The following RBBP6 variants were observed in gnomAD, a reference collection of about 807,000 sequenced individuals.
The protein encoded by RBBP6 is E3 ubiquitin-protein ligase RBBP6.
Under a neutral mutation model 167.7 loss-of-function variants are expected in RBBP6, and 25 were observed. The observed-to-expected ratio is 0.15, with a 90% confidence interval of 0.11 to 0.21. The LOEUF is 0.21. RBBP6 is among the 10% of genes least tolerant of loss of function. The pLI, the probability that RBBP6 is intolerant of heterozygous loss-of-function variation, is 1.00. For synonymous variants in RBBP6, 789 were observed against 735.8 expected, an observed-to-expected ratio of 1.07 and a Z score of -1.17; for missense variants, 1,868 against 2,134.2, an observed-to-expected ratio of 0.88 and a Z score of 2.46.
At chr16:24,562,257 C>A in intron 10 of RBBP6, 96 bp downstream of exon 10, 1 of 1,127,490 alleles carries the variant, frequency 8.9e-7, no homozygotes, top group Non-Finnish European at 1.3e-6. Flanking sequence ...TCTTAGTGGA[C>A]CACTGTGCTC....
At chr16:24,560,207 T>C (rs1306592272) in intron 8 of RBBP6, among the ~76,000 whole-genome samples, 1 of 151,290 alleles carries the variant, frequency 6.6e-6, no homozygotes, top group East Asian at 1.9e-4. Flanking sequence ...CCTTCTGGCT[T>C]CACACAATTC....
chr16:24,561,625 A>C lies in RBBP6; in HGVS notation c.861A>C (p.Ala287=), dbSNP rs16973831. 9.1e-3 allele frequency: 14,680 copies of C among 1,613,436 alleles called. 1,092 individuals carry two copies. The African/African-American group carries it at 0.16, about 18-fold the overall frequency. The stretch of plus-strand genomic sequence containing the variant: ...TCTTATACATAGGTATAAGAACAGC[A>C]CTCCTGGAATCAGATGAGCACACAT... ...NSYCDECIRT[A]LLESDEHTCP... is the part of the protein sequence containing the mutation. The change falls in exon 9 of 18, where the codon GCA becomes GCC. Residue 287 remains alanine, a synonymous_variant. Transcript: ENST00000319715.
chr16:24,555,755 C>T, intron 5 of RBBP6, 52 bp downstream of exon 5: 1 of 1,585,026 alleles, frequency 6.3e-7, no homozygotes, highest in African/African-American at 1.3e-5. Flanking sequence ...TGGGTTTTCC[C>T]CCCCAATCAA....
At chr16:24,546,728 C>G (rs1002778211) in intron 2 of RBBP6, among the ~76,000 whole-genome samples, 2 of 152,168 alleles carry the variant, frequency 1.3e-5, no homozygotes, top group Non-Finnish European at 2.9e-5. Flanking sequence ...GATTTATAAT[C>G]ATGGGCACTG....
In RBBP6 at chr16:24,567,288, C is replaced by G. The variant is rs774746983; in HGVS notation, c.1735C>G (p.Pro579Ala). The G allele has an allele frequency of 1.2e-5, 19 of 1,614,106 alleles. 1 individual carries two copies. Among genetic ancestry groups the G allele is most frequent in the Middle Eastern group, 1.6e-4 (1 of 6,062 alleles). ...TACACTTCCTCTCCCTCCGGGTGTT[C>G]CTCCTCCACAGTTTTCTCCTCAGTT... Reference protein sequence around the residue: ...PHTLPLPPGVPPPQFSPQFPP... With the variant: ...PHTLPLPPGVAPPQFSPQFPP... The change falls in exon 15 of 18, where the codon CCT becomes GCT. Residue 579 changes from proline (P) to alanine (A), a missense_variant. Around this residue, in one of 7 missense-constraint regions of RBBP6, gnomAD observed 145 missense variants for 224.3 expected, o/e 0.65. Coordinates refer to ENST00000319715, the MANE Select transcript of RBBP6 (RefSeq NM_006910.5).
chr16:24,568,725 T>C lies in RBBP6; in HGVS notation c.2055-20T>C, dbSNP rs373502284. The C allele has an allele frequency of 5.0e-6, 8 of 1,589,320 alleles. No individual in the cohort carries two copies. Among genetic ancestry groups the C allele is most frequent in the Non-Finnish European group, 6.0e-6 (7 of 1,167,048 alleles). On this transcript the variant is annotated intron_variant, in intron 16 of 17. Transcript: ENST00000319715. ...GTATGTATTTCTCAACTATCAACTA[T>C]TGTTTTGTTTTGTTTTTAGGTCTAA...
chr16:24,564,764 A>G, intron 13 of RBBP6, 33 bp from the exon 14 acceptor site: 1 of 1,607,312 alleles, frequency 6.2e-7, no homozygotes, highest in Non-Finnish European at 8.5e-7. Context: ...CCATGGAGAA[A>G]TACTTGAGCC....
At position 24,572,303 on chromosome 16, in the gene RBBP6, A is replaced by G. The variant is rs1199585315; in HGVS notation, c.5237A>G (p.Lys1746Arg). The change falls in exon 18 of 18, where the codon AAG becomes AGG. Residue 1746 changes from lysine to arginine, a missense_variant. By Grantham distance (26) the Lys-to-Arg change is conservative. This residue lies in a region of RBBP6 where 591 missense variants were observed against 540.5 expected (regional missense o/e 1.09). Coordinates refer to ENST00000319715, the MANE Select transcript of RBBP6 (RefSeq NM_006910.5). Reference protein sequence around the residue: ...KKHKKHKKHKKHKKHAGTEVE... With the variant: ...KKHKKHKKHKRHKKHAGTEVE... ...CACAAGAAACATAAAAAGCATAAGA[A>G]GCATAAGAAACATGCAGGCACTGAA... The G allele has an allele frequency of 6.3e-7, 1 of 1,584,202 alleles. No individual in the cohort carries two copies. Among genetic ancestry groups the G allele is most frequent in the Admixed American group, 1.9e-5 (1 of 53,920 alleles).
chr16:24,561,030 G>A (rs1478610180), intron 8 of RBBP6, among the ~76,000 whole-genome samples: 1 of 144,278 alleles, frequency 6.9e-6, no homozygotes, highest in Non-Finnish European at 1.5e-5. Context: ...TTACTACATT[G>A]AAGCTTAATC....
intron 14 of RBBP6, 63 bp from the exon 15 acceptor site, chr16:24,567,080 A>C: frequency 6.7e-7 from 1 of 1,496,236 alleles, no homozygotes. Context: ...TAGAAGAGAT[A>C]AGCTTACTTG....
chr16:24,559,366 AT>A (rs1898993288), intron 7 of RBBP6, 138 bp from the exon 8 acceptor site: 1 of 567,400 alleles, frequency 1.8e-6, no homozygotes, highest in African/African-American at 2.0e-5. Context: ...TTACTCCCTT[AT>A]TTTAGAAGAT....
chr16:24,540,857 GC>G, intron 1 of RBBP6, 65 bp downstream of exon 1: 1 of 1,539,742 alleles, frequency 6.5e-7, no homozygotes. Context: ...AAGGTGCCTG[GC>G]AGGAAGCTAA....
chr16:24,560,979 T>G (rs550059074), intron 8 of RBBP6, among the ~76,000 whole-genome samples: 21 of 152,290 alleles, frequency 1.4e-4, no homozygotes, highest in South Asian at 1.0e-3. Flanking sequence ...TGTTTCAGAT[T>G]ATATCTTAGA....
intron 13 of RBBP6, 133 bp downstream of exon 13, chr16:24,563,797 T>C (rs1272171181): frequency 2.9e-6 from 2 of 683,490 alleles, no homozygotes; most frequent in Non-Finnish European, 4.3e-6. Flanking sequence ...TAAACTTTCA[T>C]GTGCCAGATT....
intron 3 of RBBP6, chr16:24,549,366 T>G (rs1407729291): frequency 3.9e-6 from 4 of 1,032,784 alleles, no homozygotes; most frequent in Non-Finnish European, 1.2e-6. Flanking sequence ...TGTTGTGTGC[T>G]TTTTGTTTCT....
At position 24,539,641 on chromosome 16, in the gene RBBP6, A is replaced by G. The variant is rs1408908217; in HGVS notation, c.-986A>G. 1 of 152,088 alleles carries G rather than the reference A, an allele frequency of 6.6e-6. No individual in the cohort carries two copies. Among genetic ancestry groups the G allele is most frequent in the Non-Finnish European group, 1.5e-5 (1 of 68,042 alleles). 9.4% of individuals were successfully genotyped at this position (152,088 alleles called of 1,614,324 possible). A position where few individuals can be genotyped will look rare whatever the true frequency, so the allele number is the denominator to read the frequency against. On this transcript the variant is annotated 5_prime_UTR_variant, in exon 1 of 18. Coordinates refer to ENST00000319715, the MANE Select transcript of RBBP6 (RefSeq NM_006910.5). ...TTGGAGGTGTCGCCGCCGCTCGGTG[A>G]GAGCCCCCGAGCGGCAGGGGGCCAA... is the stretch of plus-strand genomic sequence containing the variant.
rs752278676 is a variant in RBBP6 at position 24,570,495 on chromosome 16, A to G, written c.3805A>G (p.Thr1269Ala). ...EGSSSTLVDYTSTSSTGGSPV... is the reference protein window; with the variant it reads ...EGSSSTLVDYASTSSTGGSPV... Reference sequence around the variant, plus strand: ...ATCCAGCTCAACTCTGGTGGATTACACCAGGTAGCTGAGTGTAGGGGGTGG... The same window carrying G: ...ATCCAGCTCAACTCTGGTGGATTACGCCAGGTAGCTGAGTGTAGGGGGTGG... The change falls in exon 17 of 18, where the codon ACC becomes GCC. Residue 1269 changes from threonine (T) to alanine (A), a missense_variant. By Grantham distance (58) the Thr-to-Ala change is moderately conservative. Around this residue, in one of 7 missense-constraint regions of RBBP6, gnomAD observed 673 missense variants for 691.5 expected, o/e 0.97. Coordinates refer to ENST00000319715, the MANE Select transcript of RBBP6 (RefSeq NM_006910.5). The G allele has an allele frequency of 3.2e-6, 5 of 1,575,130 alleles. No homozygotes were observed. The highest frequency in any genetic ancestry group is 4.3e-6 in the Non-Finnish European group (5 of 1,168,944).
At position 24,559,511 on chromosome 16, in the gene RBBP6, A is replaced by G. The variant is rs780495188; in HGVS notation, c.681A>G (p.Ala227=). The stretch of plus-strand genomic sequence containing the variant: ...TGAAAACTTTCTTTTACAGAGAAGC[A>G]TATGCAATTGGGAAGAAAGAGAAAC... ...KYAIPTIDAE[A]YAIGKKEKPP... The change falls in exon 8 of 18, where the codon GCA becomes GCG. Residue 227 remains alanine (A), a synonymous_variant. Coordinates refer to ENST00000319715, the MANE Select transcript of RBBP6 (RefSeq NM_006910.5). The G allele has an allele frequency of 3.3e-5, 52 of 1,598,406 alleles. 6 individuals are homozygous for G. The highest frequency in any genetic ancestry group is 7.0e-5 in the Admixed American group (4 of 56,962).
Position 24,570,442 on chromosome 16 carries a change from T to C in RBBP6, c.3752T>C (p.Val1251Ala). Residue 1251 changes from valine (V) to alanine (A), a missense_variant, in exon 17 of 18, where the codon GTC becomes GCC. Physicochemically the swap from Val to Ala is moderately conservative, Grantham distance 64. Transcript: ENST00000319715. ...KVKQEKVKGK[V>A]RRKVTGTEGS... ...AAACAAGAAAAAGTCAAAGGAAAGG[T>C]CAGACGAAAAGTGACTGGAACTGAA... The C allele has an allele frequency of 1.9e-6, 3 of 1,605,886 alleles. No individual in the cohort carries two copies. The highest frequency in any genetic ancestry group is 2.5e-6 in the Non-Finnish European group (3 of 1,178,270).
Sources: allele counts gnomAD v4.1 joint callset (sites outside exome capture counted in the v4.1 genomes callset), GRCh38; gene constraint gnomAD v4.1.1; regional missense constraint gnomAD v4.1.1; transcripts MANE v1.5; gene names NCBI Gene and HGNC (gene_info 2026-07-23, HGNC 2026-07-21).